The following WDFY3 variants were observed in gnomAD, a reference collection of about 807,000 sequenced individuals.
WDFY3 encodes the protein WD repeat and FYVE domain-containing protein 3.
Under a neutral mutation model 409.6 loss-of-function variants are expected in WDFY3, and 66 were observed. The ratio of observed to expected loss-of-function variants is 0.16; its 90% confidence interval spans 0.13 to 0.20. The LOEUF is 0.20. Among genes scored for constraint, WDFY3 ranks in the 10% least tolerant of loss-of-function variants. WDFY3 has a pLI of 1.00. For synonymous variants in WDFY3, 1,521 were observed against 1,537.1 expected, an observed-to-expected ratio of 0.99 and a Z score of 0.25; for missense variants, 3,031 against 4,298.1, an observed-to-expected ratio of 0.71 and a Z score of 8.24.
chr4:84,787,446 T>G, intron 23 of WDFY3, 36 bp downstream of exon 23: 1 of 1,588,526 alleles, frequency 6.3e-7, no homozygotes, highest in Non-Finnish European at 8.6e-7. Context: ...GAGTTAAGTT[T>G]CATACAACTT....
At chr4:84,903,479 C>T (rs1233337433) in intron 2 of WDFY3, among the ~76,000 whole-genome samples, 2 of 152,118 alleles carry the variant, frequency 1.3e-5, no homozygotes, top group Non-Finnish European at 1.5e-5. Flanking sequence ...ACCACCATGC[C>T]TGGCTAATTT....
At chr4:84,914,305 C>T (rs2150776257) in intron 2 of WDFY3, among the ~76,000 whole-genome samples, 1 of 152,178 alleles carries the variant, frequency 6.6e-6, no homozygotes, top group Admixed American at 6.5e-5. Context: ...CCTATAATCC[C>T]AGCTACTCAA....
chr4:84,831,253 G>T (rs1755688508), intron 8 of WDFY3, among the ~76,000 whole-genome samples, 160 bp downstream of exon 8: 1 of 149,784 alleles, frequency 6.7e-6, no homozygotes, highest in African/African-American at 2.5e-5. Flanking sequence ...CATTTGAAAT[G>T]CCCCACAGAT....
At chr4:84,847,562 A>T (rs6857555) in intron 5 of WDFY3, among the ~76,000 whole-genome samples, 1 of 145,866 alleles carries the variant, frequency 6.9e-6, no homozygotes, top group African/African-American at 2.6e-5. Flanking sequence ...GTCAGGAGAT[A>T]GAGACCATCC....
chr4:84,827,070 T>A, intron 9 of WDFY3, 89 bp from the exon 10 acceptor site: 1 of 1,364,394 alleles, frequency 7.3e-7, no homozygotes, highest in Non-Finnish European at 9.9e-7. Context: ...TTATATGCAG[T>A]AAATAAATGT....
At chr4:84,780,925 G>A (rs1056956774) in intron 25 of WDFY3, among the ~76,000 whole-genome samples, 2 of 152,156 alleles carry the variant, frequency 1.3e-5, no homozygotes, top group South Asian at 2.1e-4. Context: ...GCTCTGGGCT[G>A]TACTCAAAAG....
At chr4:84,961,530 T>G (rs1223685395) in intron 1 of WDFY3, among the ~76,000 whole-genome samples, 1 of 152,206 alleles carries the variant, frequency 6.6e-6, no homozygotes, top group Non-Finnish European at 1.5e-5. Flanking sequence ...AATTCCCTAA[T>G]GATTATTCCT....
chr4:84,737,842 C>G (rs185035666), intron 40 of WDFY3, among the ~76,000 whole-genome samples: 39 of 152,124 alleles, frequency 2.6e-4, no homozygotes, highest in African/African-American at 8.7e-4. Context: ...CCAGACCAGT[C>G]GGCCCTCAGC....
chr4:84,771,450 A>G (rs1421222697), intron 30 of WDFY3, among the ~76,000 whole-genome samples: 1 of 152,200 alleles, frequency 6.6e-6, no homozygotes. Flanking sequence ...CATATTTTTT[A>G]TACTTGAAAT....
intron 2 of WDFY3, among the ~76,000 whole-genome samples, chr4:84,908,973 T>C (rs1362745146): frequency 1.3e-5 from 2 of 152,098 alleles, no homozygotes; most frequent in East Asian, 1.9e-4. Context: ...AAGATGTTTA[T>C]TGAATGGATT....
chr4:84,727,073 T>G (rs1735779641), intron 44 of WDFY3, among the ~76,000 whole-genome samples, 162 bp from the exon 45 acceptor site: 1 of 152,126 alleles, frequency 6.6e-6, no homozygotes, highest in Non-Finnish European at 1.5e-5. Flanking sequence ...CTAAGCATCT[T>G]GTGGTTACTG....
At position 84,790,423 on chromosome 4, in the gene WDFY3, C is replaced by A. The variant is rs561132796; in HGVS notation, c.3488-516G>T. On this transcript the variant is annotated intron_variant, in intron 21 of 67. Transcript: ENST00000295888. ...CTTATTCATGCAATACCCTTACCTG[C>A]AGTAAAGTGAAACCTAGAATGTATT... Among the ~76,000 whole-genome samples the A allele has an allele frequency of 1.3e-5, 2 of 152,186 alleles. 1 individual carries two copies. Among genetic ancestry groups the A allele is most frequent in the South Asian group, 4.1e-4 (2 of 4,820 alleles).
intron 4 of WDFY3, among the ~76,000 whole-genome samples, chr4:84,856,980 ACAATT>A (rs1285028193): frequency 6.6e-6 from 1 of 152,314 alleles, no homozygotes; most frequent in East Asian, 1.9e-4. Flanking sequence ...GTATCTAAGA[ACAATT>A]TTAGTTTATT....
chr4:84,707,466 C>T (rs1211512521), intron 53 of WDFY3, among the ~76,000 whole-genome samples: 1 of 152,140 alleles, frequency 6.6e-6, no homozygotes, highest in East Asian at 1.9e-4. Flanking sequence ...GTATAATTTC[C>T]AGCCTGTAAG....
At chr4:84,927,403 C>A (rs1384169715) in intron 2 of WDFY3, among the ~76,000 whole-genome samples, 2 of 152,048 alleles carry the variant, frequency 1.3e-5, no homozygotes, top group African/African-American at 4.8e-5. Context: ...TCCAGAAACA[C>A]AACTATACAG....
chr4:84,692,512 C>A (rs1431744544), intron 59 of WDFY3, among the ~76,000 whole-genome samples: 3 of 151,584 alleles, frequency 2.0e-5, no homozygotes, highest in Non-Finnish European at 4.4e-5. Context: ...AAAATGTGTT[C>A]TTTTACTAAT....
At chr4:84,846,090 G>C (rs1220971293) in intron 5 of WDFY3, among the ~76,000 whole-genome samples, 1 of 152,114 alleles carries the variant, frequency 6.6e-6, no homozygotes, top group African/African-American at 2.4e-5. Flanking sequence ...TGGGGACACA[G>C]GATAGAAGAC....
At chr4:84,815,533 A>G (rs747058946) in intron 13 of WDFY3, among the ~76,000 whole-genome samples, 5 of 152,114 alleles carry the variant, frequency 3.3e-5, no homozygotes, top group Admixed American at 1.3e-4. Context: ...AGTCACTTCA[A>G]CCTCTACTTT....
At chr4:84,674,831 G>T (rs562557362) in intron 67 of WDFY3, among the ~76,000 whole-genome samples, 1 of 151,526 alleles carries the variant, frequency 6.6e-6, no homozygotes, top group African/African-American at 2.4e-5. Context: ...TCACGCCACT[G>T]CACTCCAGCC....
Sources: allele counts gnomAD v4.1 joint callset (sites outside exome capture counted in the v4.1 genomes callset), GRCh38; gene constraint gnomAD v4.1.1; transcripts MANE v1.5; gene names NCBI Gene and HGNC (gene_info 2026-07-23, HGNC 2026-07-21).